Variants in MYH14 observed in about 807,000 individuals in gnomAD.
MYH14 encodes myosin-14.
MYH14 carries 123 observed loss-of-function variants against 255.5 expected under a neutral mutation model. The observed-to-expected ratio is 0.48, with a 90% CI of 0.42 to 0.56. The LOEUF is 0.56. Among genes scored for constraint, MYH14 ranks in the 20% least tolerant of loss-of-function variants. MYH14 has a pLI of 0.00. For synonymous variants in MYH14, 1,095 were observed against 1,161.2 expected, an observed-to-expected ratio of 0.94 and a Z score of 1.16; for missense variants, 2,423 against 2,802.3, an observed-to-expected ratio of 0.86 and a Z score of 3.06.
chr19:50,297,421 G>A (rs1199819466), intron 39 of MYH14, among the ~76,000 whole-genome samples: 3 of 149,798 alleles, frequency 2.0e-5, no homozygotes, highest in Non-Finnish European at 4.4e-5. Flanking sequence ...ATCTGTAGAT[G>A]TGTCATTGCA....
At chr19:50,256,077 A>C (rs2034580735) in intron 17 of MYH14, among the ~76,000 whole-genome samples, 1 of 151,812 alleles carries the variant, frequency 6.6e-6, no homozygotes, top group East Asian at 1.9e-4. Context: ...CAAGAGTTTG[A>C]GATTAGCCTG....
chr19:50,271,608 GT>G, intron 25 of MYH14, 62 bp downstream of exon 25: 1 of 1,566,578 alleles, frequency 6.4e-7, no homozygotes, highest in Non-Finnish European at 8.7e-7. Context: ...TTAATGAATG[GT>G]GAACTTCACG....
At chr19:50,288,036 G>T (rs1277503564) in intron 34 of MYH14, among the ~76,000 whole-genome samples, 1 of 152,096 alleles carries the variant, frequency 6.6e-6, no homozygotes, top group Non-Finnish European at 1.5e-5. Context: ...GTGCCCCAAG[G>T]CTTCTCGCAG....
At chr19:50,304,596 A>G (rs2036596225) in intron 40 of MYH14, among the ~76,000 whole-genome samples, 1 of 152,162 alleles carries the variant, frequency 6.6e-6, no homozygotes, top group Admixed American at 6.5e-5. Flanking sequence ...ACTCCAAAAA[A>G]AGAGGAGTGT....
In MYH14 at chr19:50,292,369, G is replaced by A; in HGVS notation, c.5236G>A (p.Glu1746Lys). 1 of 1,587,900 alleles carries A rather than the reference G, an allele frequency of 6.3e-7. No homozygotes were observed. The highest frequency in any genetic ancestry group is 8.6e-7 in the Non-Finnish European group (1 of 1,167,956). Reference protein sequence around the residue: ...SEKRLKGLEAEVLRLQEELAA... With the variant: ...SEKRLKGLEAKVLRLQEELAA... ...AAAGCGCCTCAAGGGCCTGGAGGCT[G>A]AGGTGCTGCGGCTGCAGGAGGTGAG... is the stretch of plus-strand genomic sequence containing the variant. Residue 1746 changes from glutamate (E) to lysine (K), a missense_variant, in exon 37 of 43, where the codon GAG (glutamate) becomes AAG (lysine). Physicochemically the swap from Glu to Lys is moderately conservative, Grantham distance 56. Coordinates refer to ENST00000642316, the MANE Select transcript of MYH14 (RefSeq NM_001145809.2).
rs755662126 is a variant in MYH14, at chr19:50,249,083, C to A, written c.1426C>A (p.Arg476Ser). The change falls in exon 13 of 43, where the codon CGC becomes AGC. Residue 476 changes from arginine to serine, a missense_variant. Physicochemically the swap from Arg to Ser is moderately radical, Grantham distance 110. Transcript: ENST00000642316. The stretch of plus-strand genomic sequence containing the variant: ...CAACCGGGCCTTGGACCGCAGCCCC[C>A]GCCAAGGCGCCTCCTTCCTGGGCAT... ...RLNRALDRSP[R>S]QGASFLGILD... is the part of the protein sequence containing the mutation. 7 of 1,604,408 alleles carry A rather than the reference C, an allele frequency of 4.4e-6. No individual in the cohort carries two copies. The highest frequency in any genetic ancestry group is 3.4e-5 in the Admixed American group (2 of 58,478).
chr19:50,227,113 GGA>G, intron 8 of MYH14, 147 bp downstream of exon 8: 1 of 697,992 alleles, frequency 1.4e-6, no homozygotes, highest in Non-Finnish European at 2.6e-6. Flanking sequence ...CATGGGGAGG[GGA>G]GGGTGGGACT....
Position 50,297,232 on chromosome 19 carries a change from C to T in MYH14, c.5469+3545C>T, listed in dbSNP as rs532065387. 3.3e-5 allele frequency among the ~76,000 whole-genome samples: 5 copies of T among 152,150 alleles called. No individual in the cohort carries two copies. The East Asian group carries it at 9.7e-4, about 30-fold the overall frequency. On this transcript the variant is annotated intron_variant, in intron 39 of 42. Transcript: ENST00000642316. ...AACTCCTGACCTCGTGATCCGCCCG[C>T]CTCGGCCTCCCAAAGTGCTGGGATT...
intron 1 of MYH14, among the ~76,000 whole-genome samples, chr19:50,206,266 C>T (rs977716598): frequency 1.3e-5 from 2 of 151,806 alleles, no homozygotes; most frequent in Non-Finnish European, 2.9e-5. Context: ...AGGCTGGGAG[C>T]TCGGACTCCT....
Position 50,223,270 on chromosome 19 carries a change from C to T in MYH14, c.614C>T (p.Thr205Met), listed in dbSNP as rs1413578961. 6.2e-6 allele frequency: 10 copies of T among 1,611,542 alleles called. No homozygotes were observed. Among genetic ancestry groups the T allele is most frequent in the Non-Finnish European group, 5.9e-6 (7 of 1,178,734 alleles). Residue 205 changes from threonine (T) to methionine (M), a missense_variant, in exon 5 of 43, where the codon ACG becomes ATG. Physicochemically the swap from Thr to Met is moderately conservative, Grantham distance 81. Coordinates refer to ENST00000642316, the MANE Select transcript of MYH14 (RefSeq NM_001145809.2). ...AGTGGAGAGTCTGGAGCTGGGAAGA[C>T]GGAAAACACCAAGAAGGTCATCCAG... ...LCTGESGAGK[T>M]ENTKKVIQYL... is the part of the protein sequence containing the mutation.
chr19:50,254,801 G>C (rs2034532024), intron 16 of MYH14, among the ~76,000 whole-genome samples: 1 of 152,198 alleles, frequency 6.6e-6, no homozygotes, highest in Non-Finnish European at 1.5e-5. Flanking sequence ...CCAGCATCCT[G>C]ACAGCCCAGG....
At chr19:50,273,599 GGGGTGTGTGT>G (rs1376863120) in intron 27 of MYH14, among the ~76,000 whole-genome samples, 11 of 82,278 alleles carry the variant, frequency 1.3e-4, no homozygotes, top group South Asian at 5.6e-4. Context: ...TGGAACATGG[GGGGTGTGTGT>G]GTGTGTGTGT....
At position 50,230,649 on chromosome 19, in the gene MYH14, C is replaced by T; in HGVS notation, c.973+26C>T. ...GTCAGTGCCGCCCCGTCCTACCCTG[C>T]TCACCCGGGAGAGGGTGGGCACCAT... On this transcript the variant is annotated intron_variant, in intron 9 of 42. Transcript: ENST00000642316. The surrounding 1 kb of genome is among the most constrained non-coding windows in gnomAD (Gnocchi z 4.7). 1 of 1,544,264 alleles carries T rather than the reference C, an allele frequency of 6.5e-7. No individual in the cohort carries two copies. Among genetic ancestry groups the T allele is most frequent in the Non-Finnish European group, 8.8e-7 (1 of 1,140,766 alleles).
chr19:50,271,960 G>T lies in MYH14; in HGVS notation c.3283G>T (p.Ala1095Ser). The T allele has an allele frequency of 1.2e-6, 2 of 1,609,544 alleles. No individual in the cohort carries two copies. Among genetic ancestry groups the T allele is most frequent in the Middle Eastern group, 1.7e-4 (1 of 6,016 alleles). Reference sequence around the variant, plus strand: ...ACGGCTCAAATATGAGGCCACAATCGCAGACATGGAGGGTGAGCTCCCGCC... The same window carrying T: ...ACGGCTCAAATATGAGGCCACAATCTCAGACATGGAGGGTGAGCTCCCGCC... ...KLRLKYEATIADMEDRLRKEE... is the reference protein window; with the variant it reads ...KLRLKYEATISDMEDRLRKEE... The change falls in exon 26 of 43, where the codon GCA (alanine) becomes TCA (serine). Residue 1095 changes from alanine (A) to serine (S), a missense_variant. Around this residue, in one of 3 missense-constraint regions of MYH14, gnomAD observed 1,513 missense variants for 1,674.8 expected, o/e 0.90. Coordinates refer to ENST00000642316, the MANE Select transcript of MYH14 (RefSeq NM_001145809.2).
Position 50,210,355 on chromosome 19 carries a change from C to A in MYH14, c.-3-8C>A. Reference sequence around the variant, plus strand: ...TCTGACCCCCACCCTCTTTCTTTGCCCCTGCAGACCATGGCAGCCGTGACC... The same window carrying A: ...TCTGACCCCCACCCTCTTTCTTTGCACCTGCAGACCATGGCAGCCGTGACC... On this transcript the variant is annotated splice_polypyrimidine_tract_variant and splice_region_variant and intron_variant, in intron 1 of 42. Coordinates refer to ENST00000642316, the MANE Select transcript of MYH14 (RefSeq NM_001145809.2). The A allele has an allele frequency of 6.3e-7, 1 of 1,582,506 alleles. No individual in the cohort carries two copies. Among genetic ancestry groups the A allele is most frequent in the East Asian group, 2.4e-5 (1 of 42,434 alleles).
intron 8 of MYH14, among the ~76,000 whole-genome samples, chr19:50,227,703 A>C (rs2033177013): frequency 6.6e-6 from 1 of 152,138 alleles, no homozygotes. Flanking sequence ...ATGGGCGTTT[A>C]AAGGAAATTA....
intron 30 of MYH14, among the ~76,000 whole-genome samples, chr19:50,279,662 A>G (rs1023337071): frequency 6.6e-6 from 1 of 152,254 alleles, no homozygotes; most frequent in African/African-American, 2.4e-5. Context: ...AACAGCACGC[A>G]ATAGATCCAT....
At chr19:50,261,023 AC>A (rs1159472825) in intron 20 of MYH14, among the ~76,000 whole-genome samples, 1 of 31,034 alleles carries the variant, frequency 3.2e-5, no homozygotes, top group Non-Finnish European at 6.2e-5. Context: ...ATCCCCTATC[AC>A]CCCCCTCCCC....
intron 2 of MYH14, among the ~76,000 whole-genome samples, chr19:50,213,783 A>C (rs906643517): frequency 2.0e-5 from 3 of 152,186 alleles, no homozygotes; most frequent in African/African-American, 7.2e-5. Flanking sequence ...GATAGTGGCT[A>C]AAATATTGAG....
Sources: allele counts gnomAD v4.1 joint callset (sites outside exome capture counted in the v4.1 genomes callset), GRCh38; gene constraint gnomAD v4.1.1; regional missense constraint gnomAD v4.1.1; non-coding constraint Gnocchi (gnomAD v3.1); transcripts MANE v1.5; gene names NCBI Gene and HGNC (gene_info 2026-07-23, HGNC 2026-07-21).